TCAIM: variants seen among roughly 807,000 people sequenced by gnomAD.
TCAIM encodes the protein T cell activation inhibitor, mitochondrial.
A neutral mutation model predicts 58.6 loss-of-function variants in TCAIM; 36 were observed. The observed-to-expected ratio is 0.61, with a 90% CI of 0.47 to 0.81. The LOEUF is 0.81. Ranked by LOEUF, TCAIM falls within the 30% of genes least tolerant of loss-of-function variation. TCAIM has a pLI of 0.00. For missense variants in TCAIM, 466 were observed against 579.6 expected (o/e 0.80, Z 2.01); for synonymous variants, 172 against 193.6 (o/e 0.89, Z 0.93).
At chr3:44,372,889 C>T (rs1053626714) in intron 5 of TCAIM, among the ~76,000 whole-genome samples, 2 of 152,044 alleles carry the variant, frequency 1.3e-5, no homozygotes, top group South Asian at 2.1e-4. Context: ...CCACTGCACC[C>T]GGCCCAAAAT....
chr3:44,396,360 G>A (rs371389534), intron 6 of TCAIM, 40 bp from the exon 7 acceptor site: 1 of 1,572,596 alleles, frequency 6.4e-7, no homozygotes, highest in Middle Eastern at 1.7e-4. Flanking sequence ...CGTCTTCAGG[G>A]TGCCACTTGT....
chr3:44,353,208 A>C lies in TCAIM; in HGVS notation c.-44-1531A>C, dbSNP rs910314899. Among the ~76,000 whole-genome samples, 5 of 148,508 alleles carry C rather than the reference A, an allele frequency of 3.4e-5. No homozygotes were observed. In the Admixed American group the frequency reaches 3.4e-4, roughly 10 times the overall value. ...AGTGCTGGGATTACAGGCATGAGCCACCGCGCCTGGCCAACTTCTTTAACT... is the reference window on the plus strand; with the variant it reads ...AGTGCTGGGATTACAGGCATGAGCCCCCGCGCCTGGCCAACTTCTTTAACT... On this transcript the variant is annotated intron_variant, in intron 1 of 10. Coordinates refer to ENST00000342649, the MANE Select transcript of TCAIM (RefSeq NM_173826.4).
intron 5 of TCAIM, among the ~76,000 whole-genome samples, chr3:44,390,833 C>T (rs571410290): frequency 6.6e-6 from 1 of 152,238 alleles, no homozygotes; most frequent in African/African-American, 2.4e-5. Context: ...AGAAAGGGAA[C>T]CTCTGGTTTT....
intron 5 of TCAIM, 130 bp from the exon 6 acceptor site, chr3:44,392,725 A>G (rs1455325569): frequency 5.0e-6 from 4 of 799,900 alleles, no homozygotes; most frequent in Non-Finnish European, 7.7e-6. Context: ...CCAATCTGTC[A>G]TTGATTGGCA....
chr3:44,357,238 C>T (rs565928881), intron 2 of TCAIM, among the ~76,000 whole-genome samples: 5 of 151,242 alleles, frequency 3.3e-5, no homozygotes, highest in African/African-American at 1.2e-4. Context: ...TGTGGTGGCA[C>T]GTGCCTGTAG....
chr3:44,344,573 T>C (rs1700926203), intron 1 of TCAIM, among the ~76,000 whole-genome samples: 1 of 152,144 alleles, frequency 6.6e-6, no homozygotes, highest in South Asian at 2.1e-4. Context: ...GCTTTTTTCT[T>C]TTTCCTTTTT....
At chr3:44,380,030 G>C (rs1701630349) in intron 5 of TCAIM, among the ~76,000 whole-genome samples, 1 of 151,400 alleles carries the variant, frequency 6.6e-6, no homozygotes, top group Non-Finnish European at 1.5e-5. Context: ...ATGAGCCCCA[G>C]ACCTAAAATA....
chr3:44,356,253 A>C (rs921203343), intron 2 of TCAIM, among the ~76,000 whole-genome samples: 1 of 152,230 alleles, frequency 6.6e-6, no homozygotes, highest in South Asian at 2.1e-4. Flanking sequence ...TGGGCCAGGC[A>C]CAGTGGCTCA....
At chr3:44,407,339 G>A in intron 10 of TCAIM, 103 bp from the exon 11 acceptor site, 1 of 1,017,838 alleles carries the variant, frequency 9.8e-7, no homozygotes, top group Non-Finnish European at 1.4e-6. Flanking sequence ...TGAGTGCACA[G>A]TTAGGGCCCC....
At chr3:44,401,679 G>T (rs1451120755) in intron 10 of TCAIM, among the ~76,000 whole-genome samples, 2 of 152,164 alleles carry the variant, frequency 1.3e-5, no homozygotes, top group African/African-American at 2.4e-5. Flanking sequence ...TCAAACTGTT[G>T]ATATAAAAAG....
At chr3:44,359,249 G>A (rs1031240002) in intron 3 of TCAIM, 3 of 235,282 alleles carry the variant, frequency 1.3e-5, no homozygotes, top group African/African-American at 2.3e-5. Context: ...AAACTTCTAC[G>A]TGTGGTAAAG....
chr3:44,407,323 G>A, intron 10 of TCAIM, 119 bp from the exon 11 acceptor site: 1 of 789,690 alleles, frequency 1.3e-6, no homozygotes, highest in Non-Finnish European at 1.9e-6. Flanking sequence ...GGCATTTTCA[G>A]TGTTGTGAGT....
chr3:44,350,437 C>CT (rs34725315), intron 1 of TCAIM, among the ~76,000 whole-genome samples: 2,716 of 145,686 alleles, frequency 0.019, 72 homozygotes, highest in African/African-American at 0.058. Context: ...CATTTTCTTT[C>CT]TTTTTTTTTT....
Position 44,361,493 on chromosome 3 carries a change from T to C in TCAIM, c.294T>C (p.Asp98=), listed in dbSNP as rs778219002. 4 of 1,605,884 alleles carry C rather than the reference T, an allele frequency of 2.5e-6. No homozygotes were observed. Among genetic ancestry groups the C allele is most frequent in the Non-Finnish European group, 3.4e-6 (4 of 1,177,064 alleles). ...YVRETDQSSS[D]GQEPFSTSGF... ...GAGAAACAGACCAGAGTTCCTCCGA[T>C]GGCCAGGAACCTTTTAGTACTTCCG... is the stretch of plus-strand genomic sequence containing the variant. Residue 98 remains aspartate, a synonymous_variant, in exon 4 of 11, where the codon GAT becomes GAC. Coordinates refer to ENST00000342649, the MANE Select transcript of TCAIM (RefSeq NM_173826.4).
At chr3:44,355,195 A>G (rs1420503006) in intron 2 of TCAIM, among the ~76,000 whole-genome samples, 1 of 152,214 alleles carries the variant, frequency 6.6e-6, no homozygotes, top group East Asian at 1.9e-4. Context: ...GAATAGATAC[A>G]ATGCCTCCTG....
intron 3 of TCAIM, chr3:44,358,666 G>A (rs963429814): frequency 1.6e-5 from 13 of 814,616 alleles, no homozygotes; most frequent in Admixed American, 1.2e-4. Flanking sequence ...TTGAGCATTC[G>A]CAGATTTCGG....
At chr3:44,346,492 G>A (rs1378811228) in intron 1 of TCAIM, among the ~76,000 whole-genome samples, 4 of 152,194 alleles carry the variant, frequency 2.6e-5, no homozygotes, top group Admixed American at 6.5e-5. Context: ...AAATCCCCGA[G>A]CTTGATGTGT....
At chr3:44,404,655 G>A (rs1702071662) in intron 10 of TCAIM, among the ~76,000 whole-genome samples, 1 of 151,966 alleles carries the variant, frequency 6.6e-6, no homozygotes, top group African/African-American at 2.4e-5. Flanking sequence ...CATTATATTC[G>A]AAGAGCAGTG....
intron 6 of TCAIM, among the ~76,000 whole-genome samples, chr3:44,394,422 T>G (rs1559581483): frequency 6.6e-6 from 1 of 152,184 alleles, no homozygotes; most frequent in African/African-American, 2.4e-5. Context: ...TTTAAAAGTT[T>G]ATAAGATAAA....
Sources: gnomAD v4.1 joint callset for allele counts (sites outside exome capture counted in the v4.1 genomes callset) on GRCh38, gnomAD v4.1.1 for gene constraint, MANE v1.5 for transcripts, NCBI Gene and HGNC (gene_info 2026-07-23, HGNC 2026-07-21) for gene names.